RPL34: variants seen among roughly 807,000 people sequenced by gnomAD.
RPL34 encodes the protein large ribosomal subunit protein eL34.
RPL34 carries 2 observed loss-of-function variants against 16.3 expected under a neutral mutation model. The ratio of observed to expected loss-of-function variants is 0.12; its 90% CI spans 0.05 to 0.39. The LOEUF (loss-of-function observed/expected upper bound fraction) is 0.39. Ranked by LOEUF, RPL34 falls within the 10% of genes least tolerant of loss-of-function variation. RPL34 has a pLI of 0.99. For missense variants in RPL34, 82 were observed against 148.8 expected, an observed-to-expected ratio of 0.55 and a Z score of 2.33; for synonymous variants, 47 against 48.5, an observed-to-expected ratio of 0.97 and a Z score of 0.13.
chr4:108,622,735 C>G (rs1725837688), intron 4 of RPL34, 117 bp downstream of exon 4: 1 of 576,762 alleles, frequency 1.7e-6, no homozygotes, highest in African/African-American at 1.9e-5. Context: ...CTTTAGAACC[C>G]TTTCTTTGCT....
rs1394406471 is a variant in RPL34, at chr4:108,620,712, G to C, written c.-10+112G>C. The C allele has an allele frequency of 1.7e-5, 3 of 180,238 alleles. No individual in the cohort carries two copies. The East Asian group carries it at 4.7e-4, about 28-fold the overall frequency. The allele number at this position is 180,238 out of a possible 1,614,324, so 11.2% of individuals were successfully genotyped here. On this transcript the variant is annotated intron_variant, in intron 1 of 4. Coordinates refer to ENST00000394667, the MANE Select transcript of RPL34 (RefSeq NM_001319236.2). ...AAGCAGTCCTTTGAGCTGGTGTAGG[G>C]GTAAGGGGCACAACAGGGAGGTTGG... is the stretch of plus-strand genomic sequence containing the variant.
intron 4 of RPL34, chr4:108,622,897 G>T: frequency 3.2e-6 from 1 of 311,696 alleles, no homozygotes; most frequent in Non-Finnish European, 5.9e-6. Flanking sequence ...AAAGATAGAT[G>T]GAGTGTGGAA....
At chr4:108,629,427 T>A (rs1037423346), downstream of RPL34, among the ~76,000 whole-genome samples, 4 of 152,224 alleles carry the variant, frequency 2.6e-5, no homozygotes, top group African/African-American at 9.7e-5. Context: ...CTGAATTGTT[T>A]TTTAATATTC....
At chr4:108,625,106 A>G (rs1486778417) in intron 4 of RPL34, 22 bp from the exon 5 acceptor site, 3 of 1,521,844 alleles carry the variant, frequency 2.0e-6, no homozygotes, top group East Asian at 2.2e-5. Context: ...AGAAATGATT[A>G]ATTTGGTATT....
chr4:108,629,386 C>A (rs981516991), downstream of RPL34, among the ~76,000 whole-genome samples: 5 of 152,136 alleles, frequency 3.3e-5, no homozygotes, highest in African/African-American at 1.2e-4. Flanking sequence ...AAAACATGAG[C>A]CTTCTTATAT....
rs1402395987 is a variant in RPL34, at chr4:108,620,700, A to G, written c.-10+100A>G. 3 of 213,534 alleles carry G rather than the reference A, an allele frequency of 1.4e-5. No homozygotes were observed. The South Asian group carries it at 1.6e-4, about 11-fold the overall frequency. The allele number at this position is 213,534 out of a possible 1,614,324, so 13.2% of individuals were successfully genotyped here. ...TAGAGCTCTCAGAAGCAGTCCTTTG[A>G]GCTGGTGTAGGGGTAAGGGGCACAA... On this transcript the variant is annotated intron_variant, in intron 1 of 4. Transcript: ENST00000394667.
rs769360106 is a variant in RPL34, at chr4:108,621,923, AT to A, written c.-9-25del. 1.4e-5 allele frequency: 20 copies of A among 1,453,236 alleles called. No homozygotes were observed. In the East Asian group the frequency reaches 4.3e-4, roughly 31 times the overall value. 90.0% of individuals were successfully genotyped at this position (1,453,236 alleles called of 1,614,324 possible). On this transcript the variant is annotated intron_variant, in intron 1 of 4. Transcript: ENST00000394667. ...TTTTATTTACTTTTACAATGGAAAG[AT>A]TTGATGTTACTCTATTCTTAATTTA... is the stretch of plus-strand genomic sequence containing the variant.
intron 3 of RPL34, 126 bp from the exon 4 acceptor site, chr4:108,622,389 C>A: frequency 1.2e-6 from 1 of 817,996 alleles, no homozygotes; most frequent in Non-Finnish European, 2.0e-6. Flanking sequence ...CAGTGAAATG[C>A]CTTTCAGATA....
intron 4 of RPL34, among the ~76,000 whole-genome samples, chr4:108,624,464 G>A (rs548741523): frequency 9.9e-5 from 15 of 152,270 alleles, no homozygotes; most frequent in African/African-American, 3.4e-4. Context: ...AGGAAGACCT[G>A]CTTTTTGCTA....
chr4:108,624,179 G>A (rs1221192451), intron 4 of RPL34, among the ~76,000 whole-genome samples: 2 of 152,168 alleles, frequency 1.3e-5, no homozygotes, highest in East Asian at 3.8e-4. Flanking sequence ...TAGGTTTACA[G>A]GATAGCCTAG....
chr4:108,623,503 G>A (rs560525325), intron 4 of RPL34, among the ~76,000 whole-genome samples: 3 of 152,250 alleles, frequency 2.0e-5, no homozygotes, highest in East Asian at 1.9e-4. Context: ...TCCGCCTCCC[G>A]GGTTCAAGCA....
At chr4:108,622,875 AGTG>A (rs978619032) in intron 4 of RPL34, 2 of 361,140 alleles carry the variant, frequency 5.5e-6, no homozygotes, top group Non-Finnish European at 1.0e-5. Context: ...AGTCTCTGTT[AGTG>A]GTTTGGACAA....
downstream of RPL34, among the ~76,000 whole-genome samples, chr4:108,627,928 GTT>G (rs1194016699): frequency 6.6e-6 from 1 of 151,964 alleles, no homozygotes; most frequent in Non-Finnish European, 1.5e-5. Flanking sequence ...CACCAAATTT[GTT>G]TTAGTCCTCC....
chr4:108,624,423 C>T (rs1320935038), intron 4 of RPL34, among the ~76,000 whole-genome samples: 4 of 152,172 alleles, frequency 2.6e-5, no homozygotes, highest in Admixed American at 2.6e-4. Context: ...GTGCTTTAAA[C>T]TCTGGTGGTA....
downstream of RPL34, among the ~76,000 whole-genome samples, chr4:108,626,420 C>T (rs1292330838): frequency 1.2e-4 from 18 of 147,536 alleles, no homozygotes; most frequent in East Asian, 3.6e-3. Context: ...ATGAGCCATT[C>T]TTCTGCCCAA....
At chr4:108,625,018 G>T in intron 4 of RPL34, 110 bp from the exon 5 acceptor site, 1 of 693,028 alleles carries the variant, frequency 1.4e-6, no homozygotes, top group East Asian at 2.7e-5. Context: ...GTAGTTTCCT[G>T]GGTTCCCTGA....
At chr4:108,621,817 G>T (rs575519515) in intron 1 of RPL34, 134 bp from the exon 2 acceptor site, 7 of 652,528 alleles carry the variant, frequency 1.1e-5, no homozygotes, top group African/African-American at 9.1e-5. Flanking sequence ...TTAAAATGTG[G>T]AATAATACAT....
At chr4:108,621,557 C>G (rs1725773638) in intron 1 of RPL34, 2 of 230,560 alleles carry the variant, frequency 8.7e-6, no homozygotes, top group Non-Finnish European at 1.8e-5. Context: ...AGCTCCTTGC[C>G]CTTTATATTC....
intron 1 of RPL34, chr4:108,621,641 C>A (rs1725778877): frequency 3.3e-6 from 1 of 300,522 alleles, no homozygotes; most frequent in Non-Finnish European, 6.5e-6. Flanking sequence ...CGGTGTTTCT[C>A]CAACTGGGCT....
Sources: gnomAD v4.1 joint callset for allele counts (sites outside exome capture counted in the v4.1 genomes callset) on GRCh38, gnomAD v4.1.1 for gene constraint, MANE v1.5 for transcripts, NCBI Gene and HGNC (gene_info 2026-07-23, HGNC 2026-07-21) for gene names.